The following VTA1 variants were observed in gnomAD, a reference collection of about 807,000 sequenced individuals.
VTA1 encodes vacuolar protein sorting-associated protein VTA1 homolog.
Under a neutral mutation model 36.9 loss-of-function variants are expected in VTA1, and 24 were observed. The observed-to-expected ratio is 0.65, with a 90% confidence interval of 0.47 to 0.91. The LOEUF is 0.91. Ranked by LOEUF, VTA1 falls within the 40% of genes least tolerant of loss-of-function variation. The pLI is 0.00. For synonymous variants in VTA1, 142 were observed against 130.2 expected, an observed-to-expected ratio of 1.09 and a Z score of -0.62; for missense variants, 393 against 377.2, an observed-to-expected ratio of 1.04 and a Z score of -0.35.
chr6:142,199,592 A>G lies in VTA1; in HGVS notation c.697+977A>G, dbSNP rs3804516. Among the ~76,000 whole-genome samples the G allele has an allele frequency of 2.7e-3, 414 of 152,144 alleles. 9 individuals are homozygous for G. Among genetic ancestry groups the G allele is most frequent in the East Asian group, 0.017 (87 of 5,172 alleles). On this transcript the variant is annotated intron_variant, in intron 6 of 7. Coordinates refer to ENST00000367630, the MANE Select transcript of VTA1 (RefSeq NM_016485.5). ...ACCCAAATTTTTTTTATTTTACCCA[A>G]ATTTTGCATGAATTACATTATATGC...
At chr6:142,175,467 T>A (rs1447204340) in intron 4 of VTA1, among the ~76,000 whole-genome samples, 2 of 152,098 alleles carry the variant, frequency 1.3e-5, no homozygotes, top group African/African-American at 4.8e-5. Flanking sequence ...ATTATTCTAG[T>A]CCTTACATGA....
At chr6:142,167,371 C>T (rs2114642792) in intron 2 of VTA1, among the ~76,000 whole-genome samples, 1 of 152,260 alleles carries the variant, frequency 6.6e-6, no homozygotes. Flanking sequence ...TCATCTCCTC[C>T]AAGACTGTTA....
intron 2 of VTA1, 52 bp from the exon 3 acceptor site, chr6:142,169,493 TAAGTC>T (rs1774987646): frequency 6.6e-7 from 1 of 1,518,978 alleles, no homozygotes; most frequent in Non-Finnish European, 8.9e-7. Flanking sequence ...TGTTTGTAAT[TAAGTC>T]AACACTTCTG....
At chr6:142,193,171 AAC>A (rs779026033) in intron 5 of VTA1, among the ~76,000 whole-genome samples, 53 of 152,064 alleles carry the variant, frequency 3.5e-4, no homozygotes, top group Non-Finnish European at 6.5e-4. Context: ...GTTACTTTTT[AAC>A]TGTTCCTCAA....
intron 2 of VTA1, among the ~76,000 whole-genome samples, chr6:142,167,603 A>C (rs1017124860): frequency 3.3e-5 from 5 of 152,200 alleles, no homozygotes; most frequent in African/African-American, 1.2e-4. Context: ...GCGAAGACAG[A>C]ACTTCCTACC....
rs1334019419 is a variant in VTA1 at position 142,219,959 on chromosome 6, T to C, written c.*1316T>C. 2 of 152,256 alleles carry C rather than the reference T, an allele frequency of 1.3e-5. No individual in the cohort carries two copies. Among genetic ancestry groups the C allele is most frequent in the Non-Finnish European group, 2.9e-5 (2 of 68,038 alleles). 9.4% of individuals were successfully genotyped at this position (152,256 alleles called of 1,614,324 possible). A position where few individuals can be genotyped will look rare whatever the true frequency, so the allele number is the denominator to read the frequency against. On this transcript the variant is annotated 3_prime_UTR_variant, in exon 8 of 8. Transcript: ENST00000367630. ...TGCAAGTCTAAAAACATTTACTATTTGGCCCTCTAAGAAAAAGTTAAGACA... is the reference window on the plus strand; with the variant it reads ...TGCAAGTCTAAAAACATTTACTATTCGGCCCTCTAAGAAAAAGTTAAGACA...
At chr6:142,211,136 A>C (rs953103143) in intron 7 of VTA1, among the ~76,000 whole-genome samples, 10 of 152,074 alleles carry the variant, frequency 6.6e-5, no homozygotes, top group South Asian at 4.2e-4. Context: ...GTGAAAATAG[A>C]GGTAGATTAG....
intron 6 of VTA1, among the ~76,000 whole-genome samples, chr6:142,203,024 G>T (rs934640621): frequency 6.6e-6 from 1 of 151,856 alleles, no homozygotes; most frequent in African/African-American, 2.4e-5. Flanking sequence ...AATCTTAAAA[G>T]TCAAAACTTC....
chr6:142,154,661 CTT>C (rs1360715759), intron 1 of VTA1, among the ~76,000 whole-genome samples: 2 of 152,168 alleles, frequency 1.3e-5, no homozygotes, highest in South Asian at 2.1e-4. Context: ...ATTAGTCATT[CTT>C]AATAGGTACA....
In VTA1 at chr6:142,198,544, A is replaced by C; in HGVS notation, c.626A>C (p.Tyr209Ser). The C allele has an allele frequency of 6.2e-7, 1 of 1,614,128 alleles. No homozygotes were observed. The highest frequency in any genetic ancestry group is 1.7e-5 in the Admixed American group (1 of 60,028). ...YDPSNMPSGN[Y>S]TGIQIPPGAH... ...CCAAGCAACATGCCATCAGGCAACT[A>C]TACTGGAATACAGATTCCTCCGGGT... is the stretch of plus-strand genomic sequence containing the variant. Residue 209 changes from tyrosine (Y) to serine (S), a missense_variant, in exon 6 of 8, where the codon TAT (tyrosine) becomes TCT (serine). Transcript: ENST00000367630.
chr6:142,171,245 C>T (rs1365020815), intron 4 of VTA1, among the ~76,000 whole-genome samples: 2 of 152,068 alleles, frequency 1.3e-5, no homozygotes, highest in African/African-American at 2.4e-5. Flanking sequence ...CAGGCGGATG[C>T]CACGACACCC....
intron 4 of VTA1, among the ~76,000 whole-genome samples, chr6:142,179,176 A>AT (rs916964424): frequency 1.3e-5 from 2 of 152,222 alleles, no homozygotes; most frequent in Admixed American, 6.5e-5. Flanking sequence ...CGATAGAATA[A>AT]TTTTTTTAAA....
chr6:142,152,533 G>A (rs1376462228), intron 1 of VTA1, among the ~76,000 whole-genome samples: 1 of 151,716 alleles, frequency 6.6e-6, no homozygotes, highest in Non-Finnish European at 1.5e-5. Flanking sequence ...CCTCATTATG[G>A]CAATAAATAA....
chr6:142,175,591 G>A (rs1197993285), intron 4 of VTA1, among the ~76,000 whole-genome samples: 1 of 151,984 alleles, frequency 6.6e-6, no homozygotes, highest in Non-Finnish European at 1.5e-5. Flanking sequence ...GCAAGTACTT[G>A]AAGAGGGGGC....
chr6:142,179,048 A>T (rs1008649665), intron 4 of VTA1, among the ~76,000 whole-genome samples: 2 of 152,086 alleles, frequency 1.3e-5, no homozygotes, highest in African/African-American at 4.8e-5. Context: ...ACAGTTACAA[A>T]TGTCTGTGCA....
At chr6:142,175,123 A>G (rs1385938506) in intron 4 of VTA1, among the ~76,000 whole-genome samples, 1 of 152,228 alleles carries the variant, frequency 6.6e-6, no homozygotes, top group Admixed American at 6.5e-5. Flanking sequence ...ATTTTTACTT[A>G]AAATTCCATC....
At chr6:142,215,685 A>G (rs975341906) in intron 7 of VTA1, among the ~76,000 whole-genome samples, 2 of 152,234 alleles carry the variant, frequency 1.3e-5, no homozygotes, top group Admixed American at 6.5e-5. Flanking sequence ...AAGAATTTCT[A>G]GAACTATCTA....
intron 7 of VTA1, among the ~76,000 whole-genome samples, chr6:142,208,342 G>GA (rs574369117): frequency 6.6e-6 from 1 of 151,886 alleles, no homozygotes; most frequent in South Asian, 2.1e-4. Context: ...GTAAGCAGAA[G>GA]AAAAAAATCA....
intron 1 of VTA1, 108 bp downstream of exon 1, chr6:142,147,507 G>C (rs1414334981): frequency 8.4e-7 from 1 of 1,190,746 alleles, no homozygotes; most frequent in African/African-American, 1.5e-5. Context: ...CTTTAAACCT[G>C]AGCTTTGACC....
Sources: gnomAD v4.1 joint callset for allele counts (sites outside exome capture counted in the v4.1 genomes callset) on GRCh38, gnomAD v4.1.1 for gene constraint, MANE v1.5 for transcripts, NCBI Gene and HGNC (gene_info 2026-07-23, HGNC 2026-07-21) for gene names.